Variants in NTN4 observed in about 807,000 individuals in gnomAD.
NTN4 encodes netrin 4, also known as netrin-4.
In NTN4, 32 loss-of-function variants were observed where a neutral mutation model predicts 73.6. That is an observed-to-expected ratio of 0.44 (90% CI 0.33 to 0.58). NTN4 has a LOEUF of 0.58. Ranked by LOEUF, NTN4 falls within the 20% of genes least tolerant of loss-of-function variation. NTN4 has a pLI of 0.04. For synonymous variants in NTN4, 258 were observed against 287.5 expected (o/e 0.90, Z 1.04); for missense variants, 654 against 798.3 (o/e 0.82, Z 2.18).
At position 95,750,865 on chromosome 12, in the gene NTN4, G is replaced by A. The variant is rs1253502643; in HGVS notation, c.586-12721C>T. Among the ~76,000 whole-genome samples the A allele has an allele frequency of 1.6e-4, 24 of 152,228 alleles. No homozygotes were observed. The South Asian group carries it at 1.9e-3, about 12-fold the overall frequency. On this transcript the variant is annotated intron_variant, in intron 2 of 9. Coordinates refer to ENST00000343702, the MANE Select transcript of NTN4 (RefSeq NM_021229.4). The stretch of plus-strand genomic sequence containing the variant: ...CACCTCCCCTCCTCACACCTGGTCC[G>A]GCTTACAGTTTCCTTCCGTGACTAG...
intron 7 of NTN4, among the ~76,000 whole-genome samples, chr12:95,680,245 A>G (rs947771183): frequency 6.6e-6 from 1 of 152,378 alleles, no homozygotes; most frequent in African/African-American, 2.4e-5. Flanking sequence ...TGACAGAGGT[A>G]CTTAATAAAT....
At chr12:95,704,888 G>T (rs2121066619) in intron 5 of NTN4, among the ~76,000 whole-genome samples, 1 of 152,280 alleles carries the variant, frequency 6.6e-6, no homozygotes, top group South Asian at 2.1e-4. Context: ...AAGAAATACA[G>T]ATCTTCCCTA....
intron 2 of NTN4, among the ~76,000 whole-genome samples, chr12:95,769,208 C>T (rs558778884): frequency 6.6e-5 from 10 of 152,026 alleles, no homozygotes; most frequent in South Asian, 2.1e-4. Context: ...GCTGTCTAGC[C>T]GAAGGAGCAA....
At chr12:95,731,549 G>A (rs936284784) in intron 3 of NTN4, among the ~76,000 whole-genome samples, 3 of 152,104 alleles carry the variant, frequency 2.0e-5, no homozygotes, top group Non-Finnish European at 2.9e-5. Flanking sequence ...GTGAGACTCT[G>A]TCTCAAAAAA....
intron 3 of NTN4, among the ~76,000 whole-genome samples, chr12:95,736,008 G>A (rs576884028): frequency 2.0e-5 from 3 of 150,936 alleles, no homozygotes; most frequent in African/African-American, 7.3e-5. Flanking sequence ...GCACGATCTC[G>A]GCTCACTGCA....
At chr12:95,724,602 G>A (rs1420164369) in intron 3 of NTN4, among the ~76,000 whole-genome samples, 2 of 152,138 alleles carry the variant, frequency 1.3e-5, no homozygotes, top group Non-Finnish European at 2.9e-5. Flanking sequence ...AACAGCTATA[G>A]TTTGTTCAGC....
chr12:95,739,985 C>G (rs989195472), intron 2 of NTN4: 1 of 152,256 alleles, frequency 6.6e-6, no homozygotes. Flanking sequence ...TGAGCCCAGA[C>G]AGTGGGAGCT....
chr12:95,761,925 C>T (rs1443602661), intron 2 of NTN4, among the ~76,000 whole-genome samples: 3 of 151,938 alleles, frequency 2.0e-5, no homozygotes, highest in African/African-American at 7.3e-5. Flanking sequence ...CCATTTTTGC[C>T]TGTTTAAGTC....
At chr12:95,728,746 C>A (rs896519616) in intron 3 of NTN4, among the ~76,000 whole-genome samples, 1 of 152,102 alleles carries the variant, frequency 6.6e-6, no homozygotes, top group African/African-American at 2.4e-5. Flanking sequence ...GATCTGTGTC[C>A]CCATCCAAAT....
chr12:95,723,367 G>A (rs1289438823), intron 3 of NTN4, among the ~76,000 whole-genome samples: 2 of 151,854 alleles, frequency 1.3e-5, no homozygotes, highest in Non-Finnish European at 2.9e-5. Context: ...TCATCATTCA[G>A]CTATTTTACA....
At chr12:95,750,132 CTCTGCGCCCCAATCCCTTATT>C (rs1208297758) in intron 2 of NTN4, among the ~76,000 whole-genome samples, 2 of 151,698 alleles carry the variant, frequency 1.3e-5, no homozygotes, top group Admixed American at 6.6e-5. Context: ...TACCTCTTAT[CTCTGCGCCCCAATCCCTTATT>C]TCTGTGCCCC....
At chr12:95,666,005 A>G (rs1346688558) in intron 8 of NTN4, 25 bp from the exon 9 acceptor site, 1 of 1,503,094 alleles carries the variant, frequency 6.7e-7, no homozygotes, top group East Asian at 2.3e-5. Context: ...GTCAAAATGC[A>G]TAGAATTTCA....
In NTN4 at chr12:95,689,745, C is replaced by A. The variant is rs111384354; in HGVS notation, c.1181-6034G>T. ...ACTTGCCCACAAGGGACAGGTCCAC[C>A]TTATTTTAGAAATCATTCCTTATTC... On this transcript the variant is annotated intron_variant, in intron 5 of 9. Coordinates refer to ENST00000343702, the MANE Select transcript of NTN4 (RefSeq NM_021229.4). Among the ~76,000 whole-genome samples the A allele has an allele frequency of 7.9e-5, 12 of 152,324 alleles. No individual in the cohort carries two copies. The South Asian group carries it at 2.5e-3, about 32-fold the overall frequency.
intron 2 of NTN4, among the ~76,000 whole-genome samples, chr12:95,771,240 C>T (rs974992398): frequency 6.6e-6 from 1 of 152,056 alleles, no homozygotes; most frequent in African/African-American, 2.4e-5. Flanking sequence ...CTGCCCGCCT[C>T]GGCTTCCCAA....
At chr12:95,761,494 C>A (rs1328659251) in intron 2 of NTN4, among the ~76,000 whole-genome samples, 1 of 151,830 alleles carries the variant, frequency 6.6e-6, no homozygotes, top group Non-Finnish European at 1.5e-5. Context: ...CCATGCCCAG[C>A]TAATTTTTTT....
At chr12:95,748,244 A>AAAAAAAG (rs1555219977) in intron 2 of NTN4, among the ~76,000 whole-genome samples, 13 of 138,530 alleles carry the variant, frequency 9.4e-5, no homozygotes, top group East Asian at 2.1e-4. Flanking sequence ...AAAAAAAAAA[A>AAAAAAAG]AAAAGAAAAG....
At chr12:95,716,269 C>T (rs574960330) in intron 3 of NTN4, among the ~76,000 whole-genome samples, 1 of 152,128 alleles carries the variant, frequency 6.6e-6, no homozygotes, top group African/African-American at 2.4e-5. Flanking sequence ...CTGTATAAAA[C>T]TTCTAAGTGC....
intron 5 of NTN4, among the ~76,000 whole-genome samples, chr12:95,700,070 TA>T (rs1286558377): frequency 1.8e-4 from 27 of 146,414 alleles, no homozygotes; most frequent in African/African-American, 6.7e-4. Context: ...TGTATTCTTC[TA>T]AAGTGAGGAT....
intron 6 of NTN4, among the ~76,000 whole-genome samples, 195 bp from the exon 7 acceptor site, chr12:95,683,017 G>T (rs1592662191): frequency 6.6e-6 from 1 of 152,068 alleles, no homozygotes; most frequent in African/African-American, 2.4e-5. Context: ...AATCTTGCAA[G>T]AACAAATTAC....
Sources: allele counts gnomAD v4.1 joint callset (sites outside exome capture counted in the v4.1 genomes callset), GRCh38; gene constraint gnomAD v4.1.1; transcripts MANE v1.5; gene names NCBI Gene and HGNC (gene_info 2026-07-23, HGNC 2026-07-21).